Variants in TSC2 observed in about 807,000 individuals in gnomAD.
The protein encoded by TSC2 is TSC complex subunit 2.
TSC2 carries 29 observed loss-of-function variants against 202.2 expected under a neutral mutation model. The observed-to-expected ratio is 0.14, with a 90% CI of 0.11 to 0.20. The LOEUF (loss-of-function observed/expected upper bound fraction) is 0.20, where lower values mean the gene tolerates loss of function less well. TSC2 is among the 10% of genes least tolerant of loss of function. TSC2 has a pLI of 1.00. For missense variants in TSC2, 2,429 were observed against 2,420.0 expected, an observed-to-expected ratio of 1.00 and a Z score of -0.08; for synonymous variants, 1,349 against 1,044.0, an observed-to-expected ratio of 1.29 and a Z score of -5.63.
At chr16:2,077,555 G>A in intron 25 of TSC2, 43 bp from the exon 26 acceptor site, 1 of 1,611,496 alleles carries the variant, frequency 6.2e-7, no homozygotes, top group Non-Finnish European at 8.5e-7. Context: ...CTTCCCGGGA[G>A]CTGGGCTCTC....
chr16:2,051,505 G>A (rs1010783734), intron 3 of TSC2, among the ~76,000 whole-genome samples: 3 of 152,084 alleles, frequency 2.0e-5, no homozygotes, highest in African/African-American at 2.4e-5. Flanking sequence ...GCGACCTCAC[G>A]GACATAGAAA....
In TSC2 at chr16:2,063,854, A is replaced by G. The variant is rs1269857078; in HGVS notation, c.1444-418A>G. On this transcript the variant is annotated intron_variant, in intron 14 of 41. Coordinates refer to ENST00000219476, the MANE Select transcript of TSC2 (RefSeq NM_000548.5). ...TCACGCTGTCCTCAGCACAGCACGC[A>G]CACACACGCATATTCACGCATGCAC... The G allele has an allele frequency of 1.2e-5, 4 of 337,758 alleles. No homozygotes were observed. The East Asian group carries it at 3.0e-4, about 25-fold the overall frequency. 20.9% of individuals were successfully genotyped at this position (337,758 alleles called of 1,614,324 possible).
In TSC2 at chr16:2,058,901, T is replaced by G. The variant is rs1192926468; in HGVS notation, c.975+28T>G. ...AAGGCGGTTTCTGTGTGCAGTGAGC[T>G]GGCAGGAACGGGAGAGCTCCCCTCA... is the stretch of plus-strand genomic sequence containing the variant. On this transcript the variant is annotated intron_variant, in intron 10 of 41. Transcript: ENST00000219476. 8.1e-6 allele frequency: 13 copies of G among 1,600,954 alleles called. No homozygotes were observed. In the South Asian group the frequency reaches 1.4e-4, roughly 17 times the overall value.
chr16:2,070,616 C>T (rs761531032), intron 17 of TSC2, 38 bp downstream of exon 17: 7 of 1,612,332 alleles, frequency 4.3e-6, no homozygotes, highest in Non-Finnish European at 5.1e-6. Flanking sequence ...TTCCTGGGGG[C>T]CCAGCCAGGT....
At chr16:2,072,180 A>T (rs1290244672) in intron 19 of TSC2, 61 bp from the exon 20 acceptor site, 12 of 1,610,250 alleles carry the variant, frequency 7.5e-6, no homozygotes, top group Non-Finnish European at 1.0e-5. Context: ...CTCAGATGCT[A>T]GCTTCCGCCT....
chr16:2,070,798 G>A (rs1353982446), intron 17 of TSC2, among the ~76,000 whole-genome samples: 1 of 152,234 alleles, frequency 6.6e-6, no homozygotes, highest in Admixed American at 6.5e-5. Context: ...AAGCCGCACG[G>A]TGACATGGGT....
intron 5 of TSC2, chr16:2,055,188 G>A: frequency 1.6e-6 from 1 of 635,120 alleles, no homozygotes; most frequent in Non-Finnish European, 2.9e-6. Context: ...AGCCCCAGGG[G>A]CGGTAGATCC....
chr16:2,054,531 G>T, intron 5 of TSC2, 91 bp downstream of exon 5: 1 of 1,582,816 alleles, frequency 6.3e-7, no homozygotes, highest in Non-Finnish European at 8.6e-7. Flanking sequence ...AGGGGCTGCC[G>T]TTCTCAGGGA....
intron 9 of TSC2, 145 bp from the exon 10 acceptor site, chr16:2,058,602 C>T: frequency 7.8e-7 from 1 of 1,276,110 alleles, no homozygotes; most frequent in Non-Finnish European, 1.1e-6. Context: ...CCTCTGTTCC[C>T]TGCCCTTCCC....
At chr16:2,080,530 C>G (rs2090001396) in intron 30 of TSC2, 153 bp downstream of exon 30, 2 of 885,880 alleles carry the variant, frequency 2.3e-6, no homozygotes, top group Non-Finnish European at 3.4e-6. Flanking sequence ...GTGGCCCACG[C>G]TGGAACGCAG....
Position 2,073,000 on chromosome 16 carries a change from G to C in TSC2, c.2355+17G>C, listed in dbSNP as rs896658517. The C allele has an allele frequency of 6.2e-7, 1 of 1,613,176 alleles. No individual in the cohort carries two copies. The highest frequency in any genetic ancestry group is 1.1e-5 in the South Asian group (1 of 91,074). On this transcript the variant is annotated intron_variant, in intron 21 of 41. Transcript: ENST00000219476. ...ACCAAACAGGTAGGAGGTCAGAGCA[G>C]GACAGGCGAGCTTGATGGGGCCTGG...
At chr16:2,082,369 C>T in intron 31 of TSC2, 67 bp from the exon 32 acceptor site, 3 of 1,573,374 alleles carry the variant, frequency 1.9e-6, no homozygotes, top group Non-Finnish European at 2.6e-6. Context: ...GGGGCCTGTG[C>T]TCTCTGCTCG....
chr16:2,061,052 T>C, intron 11 of TSC2: 1 of 568,860 alleles, frequency 1.8e-6, no homozygotes, highest in Non-Finnish European at 3.1e-6. Context: ...GAGCCGGGGC[T>C]GGGCCAGTGC....
chr16:2,080,491 G>T (rs925285261), intron 30 of TSC2, 114 bp downstream of exon 30: 25 of 1,118,412 alleles, frequency 2.2e-5, no homozygotes, highest in Middle Eastern at 3.2e-4. Context: ...GGTAACTTTT[G>T]TTTTTTTTTT....
intron 21 of TSC2, 53 bp from the exon 22 acceptor site, chr16:2,074,147 G>A (rs2088900620): frequency 7.5e-6 from 12 of 1,606,146 alleles, no homozygotes; most frequent in South Asian, 4.4e-5. Flanking sequence ...AGGGGTAGGC[G>A]AGGCTGCCTC....
At chr16:2,057,583 T>C (rs1404977952) in intron 9 of TSC2, among the ~76,000 whole-genome samples, 6 of 152,102 alleles carry the variant, frequency 3.9e-5, no homozygotes, top group Admixed American at 3.9e-4. Flanking sequence ...CTCCCACCCA[T>C]GCTGCCAGCT....
At chr16:2,076,285 T>G (rs771346195) in intron 24 of TSC2, 115 bp downstream of exon 24, 1 of 1,568,048 alleles carries the variant, frequency 6.4e-7, no homozygotes, top group African/African-American at 1.4e-5. Context: ...GGAGGGTGTT[T>G]GGGGCTGTGC....
At position 2,088,035 on chromosome 16, in the gene TSC2, C is replaced by G. The variant is rs542607400; in HGVS notation, c.5069-13C>G. On this transcript the variant is annotated splice_polypyrimidine_tract_variant and intron_variant, in intron 39 of 41. Coordinates refer to ENST00000219476, the MANE Select transcript of TSC2 (RefSeq NM_000548.5). ...AGAGCCCTGGGCCTGGCGTGACCAC[C>G]AAGTCTCCCCAGACATGGAGGGCCT... The G allele has an allele frequency of 1.9e-6, 3 of 1,611,796 alleles. No individual in the cohort carries two copies. Among genetic ancestry groups the G allele is most frequent in the Admixed American group, 1.7e-5 (1 of 59,998 alleles).
chr16:2,064,654 G>T, intron 15 of TSC2: 1 of 680,462 alleles, frequency 1.5e-6, no homozygotes, highest in Non-Finnish European at 2.4e-6. Context: ...CACACTCTGG[G>T]ACAGCTGGGC....
Sources: gnomAD v4.1 joint callset for allele counts (sites outside exome capture counted in the v4.1 genomes callset) on GRCh38, gnomAD v4.1.1 for gene constraint, MANE v1.5 for transcripts, NCBI Gene and HGNC (gene_info 2026-07-23, HGNC 2026-07-21) for gene names.